POLR3A: variants seen among roughly 807,000 people sequenced by gnomAD.
POLR3A encodes the protein DNA-directed RNA polymerase III subunit RPC1.
In POLR3A, 112 loss-of-function variants were observed where a neutral mutation model predicts 152.8. The observed-to-expected ratio is 0.73, with a 90% confidence interval of 0.63 to 0.86. The LOEUF (loss-of-function observed/expected upper bound fraction) is 0.86. POLR3A is among the 40% of genes least tolerant of loss of function. The pLI is 0.00. For synonymous variants in POLR3A, 615 were observed against 652.1 expected (o/e 0.94, Z 0.87); for missense variants, 1,385 against 1,743.1 (o/e 0.79, Z 3.66).
chr10:77,984,019 T>C lies in POLR3A; in HGVS notation c.3337-7A>G. On this transcript the variant is annotated splice_polypyrimidine_tract_variant and splice_region_variant and intron_variant, in intron 25 of 30. Transcript: ENST00000372371. ...CTTCAATATACTCGGAAATCTGGAG[T>C]GTCAAAAGATCAGACTGTTAATCAG... 1.3e-6 allele frequency: 2 copies of C among 1,586,004 alleles called. No individual in the cohort carries two copies. The highest frequency in any genetic ancestry group is 2.7e-5 in the African/African-American group (2 of 74,424).
intron 26 of POLR3A, 25 bp from the exon 27 acceptor site, chr10:77,982,842 T>G: frequency 6.2e-7 from 1 of 1,609,436 alleles, no homozygotes; most frequent in Non-Finnish European, 8.5e-7. Context: ...GGTGTAGGTG[T>G]TACTGATTCC....
At chr10:77,995,902 C>T (rs1416135578) in intron 19 of POLR3A, among the ~76,000 whole-genome samples, 2 of 152,106 alleles carry the variant, frequency 1.3e-5, no homozygotes, top group African/African-American at 2.4e-5. Context: ...ACTGACCACA[C>T]AGTTGGAAGT....
chr10:78,029,485 C>G lies in POLR3A; in HGVS notation c.-78G>C, dbSNP rs892664130. The G allele has an allele frequency of 2.7e-6, 4 of 1,477,326 alleles. No homozygotes were observed. In the African/African-American group the frequency reaches 4.2e-5, roughly 15 times the overall value. The allele number at this position is 1,477,326 out of a possible 1,614,324, so 91.5% of individuals were successfully genotyped here. ...ACGATGCCCCCAGCACCTCCTGGGG[C>G]TGCTTCTGGACTCGCCGCTAACACA... is the stretch of plus-strand genomic sequence containing the variant. On this transcript the variant is annotated 5_prime_UTR_variant, in exon 1 of 31. Transcript: ENST00000372371.
At position 78,002,210 on chromosome 10, in the gene POLR3A, C is replaced by T; in HGVS notation, c.2346G>A (p.Leu782=). ...GGGCATGCAGACCTTTGGAGCCGCACAGAGCCATGGTGAGGGGGCTGTTGC... is the reference window on the plus strand; with the variant it reads ...GGGCATGCAGACCTTTGGAGCCGCATAGAGCCATGGTGAGGGGGCTGTTGC... ...DKSNSPLTMA[L]CGSKGSFINI... The change falls in exon 17 of 31, where the codon CTG becomes CTA. Residue 782 remains leucine (L), a synonymous_variant. Coordinates refer to ENST00000372371, the MANE Select transcript of POLR3A (RefSeq NM_007055.4). The T allele has an allele frequency of 2.5e-6, 4 of 1,588,476 alleles. No individual in the cohort carries two copies. The highest frequency in any genetic ancestry group is 2.6e-6 in the Non-Finnish European group (3 of 1,167,534).
At chr10:77,994,483 G>C (rs1847279395) in intron 19 of POLR3A, among the ~76,000 whole-genome samples, 1 of 144,848 alleles carries the variant, frequency 6.9e-6, no homozygotes, top group South Asian at 2.3e-4. Flanking sequence ...GTTTTAAGTA[G>C]TTAAAAACAT....
At chr10:78,027,178 G>A (rs865827759) in intron 1 of POLR3A, among the ~76,000 whole-genome samples, 7 of 152,202 alleles carry the variant, frequency 4.6e-5, no homozygotes, top group African/African-American at 1.7e-4. Context: ...AGAAGGAAGA[G>A]CATCTGAAGT....
chr10:77,984,949 A>G (rs1847183407), intron 24 of POLR3A, among the ~76,000 whole-genome samples: 1 of 152,238 alleles, frequency 6.6e-6, no homozygotes, highest in African/African-American at 2.4e-5. Flanking sequence ...ACTTGTGGCC[A>G]TAACAAAACC....
chr10:78,012,669 C>T (rs888905094), intron 11 of POLR3A, among the ~76,000 whole-genome samples: 3 of 151,670 alleles, frequency 2.0e-5, no homozygotes, highest in African/African-American at 7.3e-5. Flanking sequence ...TGCCATGTCC[C>T]ACTGTGCTAT....
intron 15 of POLR3A, among the ~76,000 whole-genome samples, chr10:78,005,351 T>C (rs1008942956): frequency 6.6e-6 from 1 of 152,184 alleles, no homozygotes; most frequent in Non-Finnish European, 1.5e-5. Flanking sequence ...TGGTGGCACA[T>C]GCCAGTAGTC....
chr10:77,981,636 C>A, intron 28 of POLR3A, 77 bp from the exon 29 acceptor site: 1 of 1,541,152 alleles, frequency 6.5e-7, no homozygotes. Flanking sequence ...TCTCCTCTGC[C>A]CTGCAGTTTC....
rs376481207 is a variant in POLR3A, at chr10:77,986,054, C to T, written c.2988+19G>A. On this transcript the variant is annotated intron_variant, in intron 22 of 30. Coordinates refer to ENST00000372371, the MANE Select transcript of POLR3A (RefSeq NM_007055.4). Reference sequence around the variant, plus strand: ...CTACAAACAGCTCGGGGTTCTAACGCGTCTTGGAGGGATATTACCTCTGTT... The same window carrying T: ...CTACAAACAGCTCGGGGTTCTAACGTGTCTTGGAGGGATATTACCTCTGTT... 40 of 1,582,224 alleles carry T rather than the reference C, an allele frequency of 2.5e-5. No individual in the cohort carries two copies. The highest frequency in any genetic ancestry group is 2.5e-4 in the Admixed American group (15 of 59,950).
intron 11 of POLR3A, chr10:78,013,447 T>C (rs1436279605): frequency 1.6e-5 from 10 of 613,948 alleles, no homozygotes; most frequent in African/African-American, 3.7e-5. Flanking sequence ...CTCATGTATA[T>C]ACTATAATTT....
intron 5 of POLR3A, 26 bp from the exon 6 acceptor site, chr10:78,022,410 T>C: frequency 1.2e-6 from 2 of 1,611,354 alleles, no homozygotes; most frequent in South Asian, 1.1e-5. Context: ...AAGGCAGAAA[T>C]GGAGATACTA....
chr10:78,019,078 G>T, intron 9 of POLR3A, 84 bp downstream of exon 9: 2 of 946,584 alleles, frequency 2.1e-6, no homozygotes. Flanking sequence ...TGTATTTCTG[G>T]ATTGCATTCT....
At chr10:78,009,500 G>A (rs768302693) in intron 14 of POLR3A, 37 bp downstream of exon 14, 24 of 1,613,932 alleles carry the variant, frequency 1.5e-5, no homozygotes, top group African/African-American at 1.3e-4. Context: ...TTTCTGTCAC[G>A]TTCCTCCTTC....
intron 23 of POLR3A, 72 bp from the exon 24 acceptor site, chr10:77,985,412 TTCTGGTTATCA>T (rs1450958850): frequency 8.4e-7 from 1 of 1,186,952 alleles, no homozygotes; most frequent in South Asian, 1.2e-5. Flanking sequence ...GGGGAGAGGC[TTCTGGTTATCA>T]CCTTTCAACA....
chr10:78,016,799 G>A (rs908680822), intron 10 of POLR3A, among the ~76,000 whole-genome samples: 17 of 146,516 alleles, frequency 1.2e-4, no homozygotes, highest in African/African-American at 3.3e-4. Context: ...CGCTTGAGCC[G>A]AGGCGGTCAA....
Position 78,001,065 on chromosome 10 carries a change from C to G in POLR3A, c.2389G>C (p.Ala797Pro). Residue 797 changes from alanine (A) to proline (P), a missense_variant, in exon 18 of 31, where the codon GCC becomes CCC. Ala to Pro is a conservative substitution (Grantham distance 27). Transcript: ENST00000372371. Reference protein sequence around the residue: ...GSFINISQMIACVGQQAISGS... With the variant: ...GSFINISQMIPCVGQQAISGS... ...CTGATGGCCTGCTGTCCCACACAGG[C>G]AATCATCTGTGATATGTTAATGAAG... 6.2e-7 allele frequency: 1 copy of G among 1,608,168 alleles called. No homozygotes were observed. The highest frequency in any genetic ancestry group is 8.5e-7 in the Non-Finnish European group (1 of 1,174,908).
At chr10:78,006,794 G>A (rs1847416142) in intron 15 of POLR3A, among the ~76,000 whole-genome samples, 1 of 152,174 alleles carries the variant, frequency 6.6e-6, no homozygotes, top group Non-Finnish European at 1.5e-5. Flanking sequence ...AGTGAGAACA[G>A]AGAGGATTCT....
Sources: gnomAD v4.1 joint callset for allele counts (sites outside exome capture counted in the v4.1 genomes callset) on GRCh38, gnomAD v4.1.1 for gene constraint, MANE v1.5 for transcripts, NCBI Gene and HGNC (gene_info 2026-07-23, HGNC 2026-07-21) for gene names.